GLI3: variants seen among roughly 807,000 people sequenced by gnomAD.
The protein encoded by GLI3 is GLI family zinc finger 3.
A neutral mutation model predicts 100.8 loss-of-function variants in GLI3; 20 were observed. The ratio of observed to expected loss-of-function variants is 0.20; its 90% CI spans 0.14 to 0.29. GLI3 has a LOEUF of 0.29. Among genes scored for constraint, GLI3 ranks in the 10% least tolerant of loss-of-function variants. The pLI is 1.00. For synonymous variants in GLI3, 938 were observed against 860.5 expected (o/e 1.09, Z -1.58); for missense variants, 2,040 against 2,128.5 (o/e 0.96, Z 0.82).
At chr7:42,058,456 C>G (rs143165102) in intron 4 of GLI3, among the ~76,000 whole-genome samples, 4 of 152,318 alleles carry the variant, frequency 2.6e-5, no homozygotes, top group Non-Finnish European at 5.9e-5. Flanking sequence ...ACAGTGGTTT[C>G]AACCATTTCA....
At chr7:42,251,455 G>A (rs1158841391) in intron 1 of GLI3, among the ~76,000 whole-genome samples, 5 of 152,184 alleles carry the variant, frequency 3.3e-5, no homozygotes, top group Admixed American at 1.3e-4. Context: ...ACCTCCTGCT[G>A]TGCAGCTGGA....
intron 13 of GLI3, among the ~76,000 whole-genome samples, chr7:41,968,763 G>GAAA (rs1491137662): frequency 1.9e-4 from 11 of 56,686 alleles, no homozygotes; most frequent in African/African-American, 8.1e-4. Context: ...AAAGAAAGAA[G>GAAA]GAAAGAAAGA....
chr7:42,025,314 T>G lies in GLI3; in HGVS notation c.1306A>C (p.Lys436Gln). 6.2e-7 allele frequency: 1 copy of G among 1,614,160 alleles called. No individual in the cohort carries two copies. Among genetic ancestry groups the G allele is most frequent in the South Asian group, 1.1e-5 (1 of 91,084 alleles). The change falls in exon 9 of 15, where the codon AAG becomes CAG. Residue 436 changes from lysine to glutamine, a missense_variant. Coordinates refer to ENST00000395925, the MANE Select transcript of GLI3 (RefSeq NM_000168.6). ...GGGAGGTCTTCATCGGGTTTGATCT[T>G]GGACCTCTTGTTGTGCATCGGGTCA... ...TGDPMHNKRS[K>Q]IKPDEDLPSP...
intron 2 of GLI3, among the ~76,000 whole-genome samples, chr7:42,191,791 G>C (rs1229896160): frequency 1.3e-5 from 2 of 151,976 alleles, no homozygotes; most frequent in African/African-American, 4.8e-5. Flanking sequence ...ACCTTTTAAA[G>C]GTGAGAAAAC....
At chr7:42,252,696 A>G (rs923480775) in intron 1 of GLI3, among the ~76,000 whole-genome samples, 1 of 152,198 alleles carries the variant, frequency 6.6e-6, no homozygotes, top group Non-Finnish European at 1.5e-5. Flanking sequence ...AGATACTAAT[A>G]TAAAATGTAT....
chr7:42,087,063 C>T (rs925593171), intron 3 of GLI3, among the ~76,000 whole-genome samples: 1 of 152,060 alleles, frequency 6.6e-6, no homozygotes, highest in African/African-American at 2.4e-5. Flanking sequence ...CCCACTTATC[C>T]GTGTATACCC....
In GLI3 at chr7:42,025,310, A is replaced by G. The variant is rs374213542; in HGVS notation, c.1310T>C (p.Ile437Thr). The change falls in exon 9 of 15, where the codon ATC becomes ACC. Residue 437 changes from isoleucine (I) to threonine (T), a missense_variant. Around this residue, in one of 5 missense-constraint regions of GLI3, gnomAD observed 603 missense variants for 690.9 expected, o/e 0.87. Coordinates refer to ENST00000395925, the MANE Select transcript of GLI3 (RefSeq NM_000168.6). ...GDPMHNKRSK[I>T]KPDEDLPSPG... ...GCTGGGGAGGTCTTCATCGGGTTTGATCTTGGACCTCTTGTTGTGCATCGG... is the reference window on the plus strand; with the variant it reads ...GCTGGGGAGGTCTTCATCGGGTTTGGTCTTGGACCTCTTGTTGTGCATCGG... 6.2e-7 allele frequency: 1 copy of G among 1,613,912 alleles called. No individual in the cohort carries two copies. Among genetic ancestry groups the G allele is most frequent in the African/African-American group, 1.3e-5 (1 of 74,896 alleles).
At chr7:42,245,758 C>G (rs530258620) in intron 1 of GLI3, among the ~76,000 whole-genome samples, 2 of 151,962 alleles carry the variant, frequency 1.3e-5, no homozygotes, top group East Asian at 3.9e-4. Flanking sequence ...TATAATAATA[C>G]TTATTCTATG....
chr7:42,026,092 A>G, intron 8 of GLI3, 107 bp downstream of exon 8: 1 of 745,114 alleles, frequency 1.3e-6, no homozygotes, highest in South Asian at 1.5e-5. Context: ...GCTAGTACAG[A>G]GGCTGTGAGA....
chr7:42,135,769 G>C (rs1221258777), intron 3 of GLI3, among the ~76,000 whole-genome samples: 1 of 152,060 alleles, frequency 6.6e-6, no homozygotes, highest in Admixed American at 6.5e-5. Flanking sequence ...GATTCTTTTA[G>C]TTTATCTGAG....
chr7:42,065,834 CA>C (rs1784662682), intron 4 of GLI3, among the ~76,000 whole-genome samples: 1 of 152,084 alleles, frequency 6.6e-6, no homozygotes, highest in African/African-American at 2.4e-5. Flanking sequence ...GAAAGAAAAC[CA>C]AATGACTTAG....
At chr7:42,246,238 T>C (rs1788970528) in intron 1 of GLI3, among the ~76,000 whole-genome samples, 1 of 152,044 alleles carries the variant, frequency 6.6e-6, no homozygotes, top group South Asian at 2.1e-4. Context: ...GTGCCTGGAG[T>C]AGAAAGACTA....
chr7:42,262,594 C>CA (rs1451259855), intron 1 of GLI3, among the ~76,000 whole-genome samples: 1 of 152,108 alleles, frequency 6.6e-6, no homozygotes, highest in African/African-American at 2.4e-5. Flanking sequence ...TAAGTGAATT[C>CA]AGAATTTCTG....
chr7:42,103,248 C>T (rs1785506138), intron 3 of GLI3, among the ~76,000 whole-genome samples: 1 of 152,206 alleles, frequency 6.6e-6, no homozygotes, highest in Non-Finnish European at 1.5e-5. Flanking sequence ...ACCTGAGTCA[C>T]AGTCCTTTTG....
At chr7:41,968,208 A>T (rs1025944717) in intron 13 of GLI3, among the ~76,000 whole-genome samples, 7 of 152,134 alleles carry the variant, frequency 4.6e-5, no homozygotes, top group Non-Finnish European at 1.0e-4. Context: ...AACTCTGCAG[A>T]CATACTTCCT....
Position 41,965,975 on chromosome 7 carries a change from G to A in GLI3, c.3098C>T (p.Pro1033Leu), listed in dbSNP as rs376956433. Reference protein sequence around the residue: ...RFSSLSSCNPPAMATSAEKRS... With the variant: ...RFSSLSSCNPLAMATSAEKRS... ...CTTCTCCGCGGACGTGGCCATCGCC[G>A]GGGGGTTGCAGCTGCTGAGGCTGCT... The change falls in exon 15 of 15, where the codon CCG becomes CTG. Residue 1033 changes from proline to leucine, a missense_variant. Transcript: ENST00000395925. The A allele has an allele frequency of 1.4e-5, 23 of 1,606,832 alleles. No individual in the cohort carries two copies. Among genetic ancestry groups the A allele is most frequent in the African/African-American group, 2.7e-5 (2 of 74,884 alleles).
chr7:42,162,075 TC>T (rs1787142201), intron 2 of GLI3, among the ~76,000 whole-genome samples: 1 of 152,212 alleles, frequency 6.6e-6, no homozygotes, highest in African/African-American at 2.4e-5. Context: ...TACTGATTTT[TC>T]TAGATGAGAA....
chr7:42,204,386 C>A (rs1562785186), intron 2 of GLI3, among the ~76,000 whole-genome samples: 1 of 152,104 alleles, frequency 6.6e-6, no homozygotes, highest in South Asian at 2.1e-4. Context: ...CTTCCCCCTG[C>A]CATCACTATT....
At chr7:42,041,302 C>CTTAA (rs1784130813) in intron 6 of GLI3, among the ~76,000 whole-genome samples, 1 of 152,180 alleles carries the variant, frequency 6.6e-6, no homozygotes, top group South Asian at 2.1e-4. Flanking sequence ...TGCATGCCAA[C>CTTAA]TTAATACAAT....
Sources: allele counts gnomAD v4.1 joint callset (sites outside exome capture counted in the v4.1 genomes callset), GRCh38; gene constraint gnomAD v4.1.1; regional missense constraint gnomAD v4.1.1; transcripts MANE v1.5; gene names NCBI Gene and HGNC (gene_info 2026-07-23, HGNC 2026-07-21).